ITGAV: variants seen among roughly 807,000 people sequenced by gnomAD.
The protein encoded by ITGAV is integrin subunit alpha V.
A neutral mutation model predicts 143.8 loss-of-function variants in ITGAV; 76 were observed. That is an observed-to-expected ratio of 0.53 (90% CI 0.44 to 0.64). ITGAV has a LOEUF of 0.64. ITGAV is among the 30% of genes least tolerant of loss of function. The probability of loss-of-function intolerance (pLI) is 0.00; values close to 1 mark genes in which losing one functional copy is unlikely to be tolerated. For missense variants in ITGAV, 1,193 were observed against 1,274.7 expected, an observed-to-expected ratio of 0.94 and a Z score of 0.98; for synonymous variants, 453 against 446.7, an observed-to-expected ratio of 1.01 and a Z score of -0.18.
rs139129751 is a variant in ITGAV, at chr2:186,652,618, A to G, written c.1505+529A>G. On this transcript the variant is annotated intron_variant, in intron 15 of 29. Transcript: ENST00000261023. Reference sequence around the variant, plus strand: ...ATTTTTAAAGAATTATGCGTGGTCAATGAATATTTTCAAAAAGAAAGAAAA... The same window carrying G: ...ATTTTTAAAGAATTATGCGTGGTCAGTGAATATTTTCAAAAAGAAAGAAAA... Among the ~76,000 whole-genome samples, 275 of 152,338 alleles carry G rather than the reference A, an allele frequency of 1.8e-3. 1 individual carries two copies. Among genetic ancestry groups the G allele is most frequent in the Admixed American group, 5.6e-3 (86 of 15,308 alleles).
chr2:186,654,989 A>G (rs1274406609), intron 16 of ITGAV, among the ~76,000 whole-genome samples: 1 of 152,198 alleles, frequency 6.6e-6, no homozygotes, highest in Non-Finnish European at 1.5e-5. Context: ...ATGTGACATA[A>G]TGAACTCTGG....
intron 3 of ITGAV, among the ~76,000 whole-genome samples, chr2:186,624,407 A>G (rs1372809760): frequency 1.3e-5 from 2 of 150,552 alleles, no homozygotes; most frequent in African/African-American, 2.5e-5. Context: ...TTGGAGGTGA[A>G]GGATGGGGTT....
At chr2:186,608,937 G>A (rs1687140915) in intron 2 of ITGAV, among the ~76,000 whole-genome samples, 2 of 152,164 alleles carry the variant, frequency 1.3e-5, no homozygotes, top group African/African-American at 4.8e-5. Flanking sequence ...TACTGCTATT[G>A]CTGAATGTGG....
chr2:186,598,264 A>G (rs1245298961), intron 1 of ITGAV, among the ~76,000 whole-genome samples: 1 of 149,152 alleles, frequency 6.7e-6, no homozygotes, highest in Non-Finnish European at 1.5e-5. Context: ...AAAAAATTGT[A>G]TATGTAATAA....
chr2:186,607,681 A>G (rs1380433720), intron 2 of ITGAV, among the ~76,000 whole-genome samples: 1 of 152,234 alleles, frequency 6.6e-6, no homozygotes, highest in South Asian at 2.1e-4. Context: ...ATATAGGGAT[A>G]TTAAAATGGA....
intron 2 of ITGAV, among the ~76,000 whole-genome samples, chr2:186,622,097 CAT>C (rs1248535591): frequency 7.2e-5 from 11 of 152,226 alleles, no homozygotes; most frequent in Middle Eastern, 3.4e-3. Context: ...CTTTTTCAAT[CAT>C]GTGTATTATG....
intron 8 of ITGAV, 36 bp from the exon 9 acceptor site, chr2:186,638,241 T>G (rs928242443): frequency 1.9e-6 from 3 of 1,605,788 alleles, no homozygotes; most frequent in Non-Finnish European, 1.7e-6. Flanking sequence ...AGTGTTGTCC[T>G]AAAAAATGAA....
Position 186,637,100 on chromosome 2 carries a change from G to A in ITGAV, c.793G>A (p.Gly265Ser). 1 of 1,611,490 alleles carries A rather than the reference G, an allele frequency of 6.2e-7. No homozygotes were observed. The highest frequency in any genetic ancestry group is 1.1e-5 in the South Asian group (1 of 91,006). ...GGCTGTCGGAGATTTCAATGGTGAT[G>A]GCATAGATGGTATGAAGTACTTGAA... ...SVAVGDFNGD[G>S]IDDFVSGVPR... Residue 265 changes from glycine (G) to serine (S), a missense_variant, in exon 8 of 30, where the codon GGC becomes AGC. Physicochemically the swap from Gly to Ser is moderately conservative, Grantham distance 56. Transcript: ENST00000261023.
intron 7 of ITGAV, among the ~76,000 whole-genome samples, chr2:186,636,818 A>T (rs1687956940): frequency 6.6e-6 from 1 of 152,232 alleles, no homozygotes; most frequent in South Asian, 2.1e-4. Context: ...GGTGTTTTTA[A>T]CAGACTCCTT....
chr2:186,666,795 A>G lies in ITGAV; in HGVS notation c.2246+12A>G. On this transcript the variant is annotated intron_variant, in intron 22 of 29. Transcript: ENST00000261023. ...TTACAAATCCAAAGGTATGAAAACA[A>G]CTTATATTCACTTATAACTATCAAA... 7.7e-7 allele frequency: 1 copy of G among 1,298,296 alleles called. No individual in the cohort carries two copies. The allele number at this position is 1,298,296 out of a possible 1,614,324, so 80.4% of individuals were successfully genotyped here.
At position 186,658,890 on chromosome 2, in the gene ITGAV, A is replaced by C. The variant is rs74522476; in HGVS notation, c.1720-148A>C. Reference sequence around the variant, plus strand: ...AGGATAATCTTCTTTTGGATATTCTATTTCTACATAAGTATAATTTTCCAG... The same window carrying C: ...AGGATAATCTTCTTTTGGATATTCTCTTTCTACATAAGTATAATTTTCCAG... On this transcript the variant is annotated intron_variant, in intron 17 of 29. Transcript: ENST00000261023. The C allele has an allele frequency of 1.4e-4, 79 of 545,800 alleles. No homozygotes were observed. The East Asian group carries it at 2.4e-3, about 17-fold the overall frequency. 33.8% of individuals were successfully genotyped at this position (545,800 alleles called of 1,614,324 possible).
chr2:186,619,897 C>T (rs1366759889), intron 2 of ITGAV, among the ~76,000 whole-genome samples: 2 of 152,018 alleles, frequency 1.3e-5, no homozygotes, highest in East Asian at 3.9e-4. Context: ...GAGGCTGAGG[C>T]AGGAGAATCG....
chr2:186,642,542 T>C (rs1221074073), intron 12 of ITGAV, among the ~76,000 whole-genome samples: 1 of 149,064 alleles, frequency 6.7e-6, no homozygotes, highest in Admixed American at 6.7e-5. Context: ...TTTCTTTTTT[T>C]TTTTTTTTTT....
At chr2:186,611,738 C>T (rs186072927) in intron 2 of ITGAV, among the ~76,000 whole-genome samples, 1 of 152,094 alleles carries the variant, frequency 6.6e-6, no homozygotes, top group African/African-American at 2.4e-5. Context: ...AAGCATAATA[C>T]CTACCTCTCA....
In ITGAV at chr2:186,633,351, G is replaced by A; in HGVS notation, c.608G>A (p.Gly203Asp). The A allele has an allele frequency of 1.3e-6, 2 of 1,586,080 alleles. No homozygotes were observed. Among genetic ancestry groups the A allele is most frequent in the Non-Finnish European group, 8.6e-7 (1 of 1,160,860 alleles). The stretch of plus-strand genomic sequence containing the variant: ...TAGGCTGACAGAGTACTTCTTGGTG[G>A]TCCTGGTAGCTTTTATTGGCAAGGT... ...FTKADRVLLGGPGSFYWQGQL... is the reference protein window; with the variant it reads ...FTKADRVLLGDPGSFYWQGQL... Residue 203 changes from glycine (G) to aspartate (D), a missense_variant, in exon 6 of 30, where the codon GGT becomes GAT. Physicochemically the swap from Gly to Asp is moderately conservative, Grantham distance 94. Coordinates refer to ENST00000261023, the MANE Select transcript of ITGAV (RefSeq NM_002210.5).
chr2:186,630,308 C>T (rs1687781356), intron 4 of ITGAV, among the ~76,000 whole-genome samples: 1 of 151,108 alleles, frequency 6.6e-6, no homozygotes, highest in Admixed American at 6.6e-5. Context: ...CAGATCACAA[C>T]TTGTTAGTGT....
rs1686871381 is a variant in ITGAV at position 186,600,516 on chromosome 2, A to G, written c.186-1505A>G. ...TCTTTCCCCTCTCATCCTTAGAGAT[A>G]ACTGCTCTGTCTAAAGAAGGTCTCC... On this transcript the variant is annotated intron_variant, in intron 1 of 29. Transcript: ENST00000261023. The G allele has an allele frequency of 3.3e-6, 4 of 1,199,020 alleles. No homozygotes were observed. In the Admixed American group the frequency reaches 9.1e-5, roughly 27 times the overall value. The allele number at this position is 1,199,020 out of a possible 1,614,324, so 74.3% of individuals were successfully genotyped here. A position where few individuals can be genotyped will look rare whatever the true frequency, so the allele number is the denominator to read the frequency against.
intron 5 of ITGAV, among the ~76,000 whole-genome samples, 183 bp downstream of exon 5, chr2:186,631,041 A>G (rs1172025824): frequency 6.6e-6 from 1 of 152,130 alleles, no homozygotes; most frequent in Non-Finnish European, 1.5e-5. Context: ...CCTAGTAAAC[A>G]TTGCTTATTT....
intron 17 of ITGAV, 58 bp downstream of exon 17, chr2:186,656,459 T>G (rs2105732534): frequency 8.1e-7 from 1 of 1,229,222 alleles, no homozygotes; most frequent in East Asian, 2.8e-5. Flanking sequence ...GTTTTTTATC[T>G]AAATGATTTT....
Sources: allele counts gnomAD v4.1 joint callset (sites outside exome capture counted in the v4.1 genomes callset), GRCh38; gene constraint gnomAD v4.1.1; transcripts MANE v1.5; gene names NCBI Gene and HGNC (gene_info 2026-07-23, HGNC 2026-07-21).